Variants in CACNA1B observed in about 807,000 individuals in gnomAD.
CACNA1B encodes the protein voltage-dependent N-type calcium channel subunit alpha-1B.
Under a neutral mutation model 247.2 loss-of-function variants are expected in CACNA1B, and 70 were observed. That is an observed-to-expected ratio of 0.28 (90% CI 0.23 to 0.35). CACNA1B has a LOEUF of 0.35. Ranked by LOEUF, CACNA1B falls within the 10% of genes least tolerant of loss-of-function variation. The pLI is 1.00. For missense variants in CACNA1B, 2,367 were observed against 3,197.4 expected, an observed-to-expected ratio of 0.74 and a Z score of 6.26; for synonymous variants, 1,231 against 1,294.4, an observed-to-expected ratio of 0.95 and a Z score of 1.05.
At position 138,023,322 on chromosome 9, in the gene CACNA1B, C is replaced by G. The variant is rs1285341735; in HGVS notation, c.2579C>G (p.Thr860Ser). Residue 860 changes from threonine to serine, a missense_variant, in exon 19 of 47, where the codon ACC (threonine) becomes AGC (serine). This residue lies in a region of CACNA1B where 631 missense variants were observed against 631.1 expected (regional missense o/e 1.00). Coordinates refer to ENST00000371372, the MANE Select transcript of CACNA1B (RefSeq NM_000718.4). ...RHHRHRDKDK[T>S]PAAGDQDRAE... is the part of the protein sequence containing the mutation. ...CACCGGCACCGCGACAAGGACAAGACCCCCGCGGCGGGGGACCAGGACCGA... is the reference window on the plus strand; with the variant it reads ...CACCGGCACCGCGACAAGGACAAGAGCCCCGCGGCGGGGGACCAGGACCGA... 6.6e-7 allele frequency: 1 copy of G among 1,509,018 alleles called. No individual in the cohort carries two copies. The highest frequency in any genetic ancestry group is 1.2e-5 in the South Asian group (1 of 81,214). 93.5% of individuals were successfully genotyped at this position (1,509,018 alleles called of 1,614,324 possible). A position where few individuals can be genotyped will look rare whatever the true frequency, so the allele number is the denominator to read the frequency against.
intron 26 of CACNA1B, among the ~76,000 whole-genome samples, chr9:138,056,769 A>T (rs1482835705): frequency 6.6e-6 from 1 of 151,678 alleles, no homozygotes; most frequent in Non-Finnish European, 1.5e-5. Flanking sequence ...TATTTTTTAA[A>T]CTACAGCCAT....
chr9:138,062,672 G>A (rs1287672993), intron 31 of CACNA1B, among the ~76,000 whole-genome samples: 1 of 152,194 alleles, frequency 6.6e-6, no homozygotes, highest in African/African-American at 2.4e-5. Context: ...CCCAAATGCT[G>A]GGTGTCTGCA....
intron 3 of CACNA1B, among the ~76,000 whole-genome samples, chr9:137,898,588 C>T (rs941145430): frequency 7.9e-5 from 12 of 152,132 alleles, no homozygotes; most frequent in Admixed American, 7.9e-4. Flanking sequence ...TTGCTGCAGC[C>T]TCCACCTTCC....
At chr9:138,053,821 C>G (rs1386796301) in intron 25 of CACNA1B, 25 bp from the exon 26 acceptor site, 2 of 1,585,130 alleles carry the variant, frequency 1.3e-6, no homozygotes, top group African/African-American at 2.7e-5. Flanking sequence ...ACCCCCTCAT[C>G]ATGGCTCCAC....
intron 18 of CACNA1B, among the ~76,000 whole-genome samples, chr9:138,022,808 G>GGT (rs1564242710): frequency 1.4e-5 from 1 of 69,570 alleles, no homozygotes; most frequent in Non-Finnish European, 2.3e-5. Flanking sequence ...GACACCGTGG[G>GGT]GGGGGGGGGC....
rs189870615 is a variant in CACNA1B, at chr9:138,049,328, C to G, written c.3710+13C>G. 6.0e-6 allele frequency: 9 copies of G among 1,505,342 alleles called. No individual in the cohort carries two copies. Among genetic ancestry groups the G allele is most frequent in the African/African-American group, 1.4e-5 (1 of 72,696 alleles). The allele number at this position is 1,505,342 out of a possible 1,614,324, so 93.2% of individuals were successfully genotyped here. A position where few individuals can be genotyped will look rare whatever the true frequency, so the allele number is the denominator to read the frequency against. On this transcript the variant is annotated intron_variant, in intron 24 of 46. Transcript: ENST00000371372. ...CGTTTGCTTTCTCGTAAGTAACGTTCGCTCTGCTCTGGCTAGGGAGAGCCC... is the reference window on the plus strand; with the variant it reads ...CGTTTGCTTTCTCGTAAGTAACGTTGGCTCTGCTCTGGCTAGGGAGAGCCC...
chr9:138,103,360 A>G (rs1961318083), intron 38 of CACNA1B, among the ~76,000 whole-genome samples: 1 of 152,120 alleles, frequency 6.6e-6, no homozygotes, highest in African/African-American at 2.4e-5. Flanking sequence ...TCTAGGCTCC[A>G]TGGTGGGGAA....
chr9:138,065,951 A>G (rs2133520923), intron 31 of CACNA1B, among the ~76,000 whole-genome samples: 1 of 152,260 alleles, frequency 6.6e-6, no homozygotes, highest in East Asian at 1.9e-4. Context: ...AACAGAGGAG[A>G]ATCTGTCCAG....
intron 20 of CACNA1B, 124 bp from the exon 21 acceptor site, chr9:138,043,650 C>G (rs1959158104): frequency 1.9e-6 from 2 of 1,032,948 alleles, no homozygotes; most frequent in Admixed American, 3.9e-5. Context: ...AGCTGCTTGC[C>G]CATCCCTGGT....
rs191569945 is a variant in CACNA1B, at chr9:138,096,446, G to A, written c.5095-38G>A. ...GGGGCGGCGGGGAGGGCAGGCTGAG[G>A]TCTCTCTCCGTCACCTGTTCTCCTT... On this transcript the variant is annotated intron_variant, in intron 36 of 46. Coordinates refer to ENST00000371372, the MANE Select transcript of CACNA1B (RefSeq NM_000718.4). 3 of 1,599,278 alleles carry A rather than the reference G, an allele frequency of 1.9e-6. No individual in the cohort carries two copies. The South Asian group carries it at 3.3e-5, about 18-fold the overall frequency.
At chr9:137,903,166 G>C (rs902292384) in intron 3 of CACNA1B, among the ~76,000 whole-genome samples, 1 of 151,980 alleles carries the variant, frequency 6.6e-6, no homozygotes, top group Non-Finnish European at 1.5e-5. Context: ...GGCGGATCAC[G>C]GGGTCAAGAG....
intron 36 of CACNA1B, among the ~76,000 whole-genome samples, chr9:138,085,277 C>G (rs950971123): frequency 6.6e-6 from 1 of 150,428 alleles, no homozygotes; most frequent in African/African-American, 2.5e-5. Flanking sequence ...TGAGTCTGAT[C>G]AAGCAGAAGA....
At chr9:138,096,449 T>C (rs376836332) in intron 36 of CACNA1B, 35 bp from the exon 37 acceptor site, 34 of 1,603,086 alleles carry the variant, frequency 2.1e-5, no homozygotes, top group Admixed American at 5.0e-5. Context: ...GGCTGAGGTC[T>C]CTCTCCGTCA....
intron 11 of CACNA1B, among the ~76,000 whole-genome samples, 161 bp from the exon 12 acceptor site, chr9:137,975,746 C>T (rs970784044): frequency 2.0e-4 from 30 of 152,198 alleles, no homozygotes; most frequent in Admixed American, 1.6e-3. Flanking sequence ...CTGAATCCAT[C>T]GTTCCTTTCC....
chr9:137,991,330 C>T (rs1337714690), intron 15 of CACNA1B, among the ~76,000 whole-genome samples: 1 of 152,176 alleles, frequency 6.6e-6, no homozygotes, highest in Non-Finnish European at 1.5e-5. Context: ...GAAGAAAGAA[C>T]TTCAGAGCTC....
intron 20 of CACNA1B, among the ~76,000 whole-genome samples, chr9:138,039,731 T>C (rs1295630861): frequency 1.3e-5 from 2 of 152,198 alleles, no homozygotes; most frequent in African/African-American, 2.4e-5. Context: ...TTGCATTTGC[T>C]CTGTGCCTTG....
At position 137,913,689 on chromosome 9, in the gene CACNA1B, G is replaced by A. The variant is rs1458228530; in HGVS notation, c.622+418G>A. Among the ~76,000 whole-genome samples, 1 of 152,218 alleles carries A rather than the reference G, an allele frequency of 6.6e-6. No individual in the cohort carries two copies. The highest frequency in any genetic ancestry group is 2.4e-5 in the African/African-American group (1 of 41,456). On this transcript the variant is annotated intron_variant, in intron 4 of 46. Transcript: ENST00000371372. This position sits in a 1 kb window ranked among gnomAD's most constrained non-coding sequence, Gnocchi z 5.2. ...CTTGTCAGGGCCACTGGGGACTGAG[G>A]CCAGCCTTAAGACATGCTCCTGAAG...
At chr9:137,956,653 C>CAAAAAA in intron 8 of CACNA1B, 118 bp from the exon 9 acceptor site, 1 of 501,030 alleles carries the variant, frequency 2.0e-6, no homozygotes, top group Non-Finnish European at 3.2e-6. Context: ...GACTCCATCT[C>CAAAAAA]AAAAAAAAAA....
Position 138,052,076 on chromosome 9 carries a change from G to T in CACNA1B, c.3711-16G>T. 2 of 1,499,306 alleles carry T rather than the reference G, an allele frequency of 1.3e-6. No homozygotes were observed. Among genetic ancestry groups the T allele is most frequent in the Non-Finnish European group, 9.3e-7 (1 of 1,077,660 alleles). 92.9% of individuals were successfully genotyped at this position (1,499,306 alleles called of 1,614,324 possible). On this transcript the variant is annotated splice_polypyrimidine_tract_variant and intron_variant, in intron 24 of 46. Transcript: ENST00000371372. This position sits in a 1 kb window ranked among gnomAD's most constrained non-coding sequence, Gnocchi z 5.1. ...ATGCCTCCTGCCTGTCTGCATCTGT[G>T]GCTTCTCCCTTCTAGAGGATCCAAA...
Sources: allele counts gnomAD v4.1 joint callset (sites outside exome capture counted in the v4.1 genomes callset), GRCh38; gene constraint gnomAD v4.1.1; regional missense constraint gnomAD v4.1.1; non-coding constraint Gnocchi (gnomAD v3.1); transcripts MANE v1.5; gene names NCBI Gene and HGNC (gene_info 2026-07-23, HGNC 2026-07-21).